The following PCDHA4 variants were observed in gnomAD, a reference collection of about 807,000 sequenced individuals.
PCDHA4 encodes protocadherin alpha 4, also known as protocadherin alpha-4.
Under a neutral mutation model 61.4 loss-of-function variants are expected in PCDHA4, and 49 were observed. The ratio of observed to expected loss-of-function variants is 0.80; its 90% CI spans 0.63 to 1.01. PCDHA4 has a LOEUF of 1.01. Among genes scored for constraint, PCDHA4 ranks in the 50% least tolerant of loss-of-function variants. The pLI is 0.00. For synonymous variants in PCDHA4, 590 were observed against 550.3 expected (o/e 1.07, Z -1.01); for missense variants, 1,254 against 1,235.8 (o/e 1.01, Z -0.22).
At chr5:140,999,078 T>G (rs1554256609) in intron 3 of PCDHA4, among the ~76,000 whole-genome samples, 2 of 152,208 alleles carry the variant, frequency 1.3e-5, no homozygotes, top group Non-Finnish European at 2.9e-5. Context: ...CTTCACTTCC[T>G]CCTTCAGAGG....
chr5:140,829,456 C>A, intron 1 of PCDHA4: 1 of 1,613,884 alleles, frequency 6.2e-7, no homozygotes, highest in Non-Finnish European at 8.5e-7. Flanking sequence ...CTCCGGCGTT[C>A]GCGCAGCCCG....
At chr5:140,830,730 G>A (rs1403638856) in intron 1 of PCDHA4, 1 of 211,824 alleles carries the variant, frequency 4.7e-6, no homozygotes, top group African/African-American at 2.3e-5. Context: ...AAATATTCTT[G>A]GATATGTCGT....
chr5:140,808,294 C>T lies in PCDHA4; in HGVS notation c.1107C>T (p.Ile369=), dbSNP rs942791264. The change falls in exon 1 of 4, where the codon ATC becomes ATT. Residue 369 remains isoleucine, a synonymous_variant. Transcript: ENST00000530339. ...IREDAPLGTV[I]ALISVSDKDM... ...AGGACGCTCCACTGGGTACAGTCAT[C>T]GCCCTGATCAGCGTGTCCGACAAAG... 4 of 1,614,156 alleles carry T rather than the reference C, an allele frequency of 2.5e-6. No homozygotes were observed. Among genetic ancestry groups the T allele is most frequent in the African/African-American group, 1.3e-5 (1 of 74,964 alleles).
At chr5:140,975,594 A>G (rs914837592) in intron 1 of PCDHA4, among the ~76,000 whole-genome samples, 3 of 152,236 alleles carry the variant, frequency 2.0e-5, no homozygotes, top group Admixed American at 2.0e-4. Flanking sequence ...CCAGAGGGCA[A>G]TTTGTTGATG....
At chr5:140,832,540 C>T (rs1195666281) in intron 1 of PCDHA4, among the ~76,000 whole-genome samples, 1 of 152,172 alleles carries the variant, frequency 6.6e-6, no homozygotes, top group African/African-American at 2.4e-5. Context: ...ATTTGTGTAG[C>T]TAATGATATC....
intron 1 of PCDHA4, chr5:140,877,000 G>C: frequency 6.2e-7 from 1 of 1,612,598 alleles, no homozygotes; most frequent in Non-Finnish European, 8.5e-7. Flanking sequence ...CTACGTGTCG[G>C]TGCACGCGGA....
At chr5:140,904,818 G>A (rs1186696681) in intron 1 of PCDHA4, among the ~76,000 whole-genome samples, 1 of 152,070 alleles carries the variant, frequency 6.6e-6, no homozygotes, top group Non-Finnish European at 1.5e-5. Flanking sequence ...GTGATGTTGA[G>A]CATTTTTTTA....
chr5:140,914,095 C>T (rs1368870998), intron 1 of PCDHA4, among the ~76,000 whole-genome samples: 1 of 152,082 alleles, frequency 6.6e-6, no homozygotes, highest in Admixed American at 6.5e-5. Context: ...TCAATTTGTT[C>T]TATAGTGCAG....
chr5:140,944,182 G>GTTTGT (rs750577669), intron 1 of PCDHA4, among the ~76,000 whole-genome samples: 5 of 152,052 alleles, frequency 3.3e-5, no homozygotes, highest in East Asian at 1.9e-4. Flanking sequence ...TTTTTTGTTG[G>GTTTGT]TTTGTTTTGT....
Position 140,807,997 on chromosome 5 carries a change from C to G in PCDHA4, c.810C>G (p.Asp270Glu). Reference protein sequence around the residue: ...LVIKLNASDLDEGLNGDIVYS... With the variant: ...LVIKLNASDLEEGLNGDIVYS... Reference sequence around the variant, plus strand: ...TTAAACTTAACGCCTCAGATTTAGACGAAGGATTGAATGGGGACATTGTTT... The same window carrying G: ...TTAAACTTAACGCCTCAGATTTAGAGGAAGGATTGAATGGGGACATTGTTT... The change falls in exon 1 of 4, where the codon GAC becomes GAG. Residue 270 changes from aspartate to glutamate, a missense_variant. By Grantham distance (45) the Asp-to-Glu change is conservative. Transcript: ENST00000530339. 1 of 1,613,450 alleles carries G rather than the reference C, an allele frequency of 6.2e-7. No individual in the cohort carries two copies. The highest frequency in any genetic ancestry group is 8.5e-7 in the Non-Finnish European group (1 of 1,179,448).
intron 1 of PCDHA4, chr5:140,851,311 T>C (rs1484638965): frequency 1.0e-6 from 1 of 1,000,128 alleles, no homozygotes; most frequent in Non-Finnish European, 1.2e-6. Context: ...TAGCAATTGT[T>C]ACCTTGTTAA....
In PCDHA4 at chr5:140,888,751, C is replaced by T. The variant is rs947840835; in HGVS notation, c.2385+79179C>T. On this transcript the variant is annotated intron_variant, in intron 1 of 3. Transcript: ENST00000530339. ...TTGTGAGCTCTAGGAATTATTCTAC[C>T]CACTTTTTTTTTTAATTTTGAAGGG... Among the ~76,000 whole-genome samples, 4 of 151,800 alleles carry T rather than the reference C, an allele frequency of 2.6e-5. No individual in the cohort carries two copies. The South Asian group carries it at 8.3e-4, about 32-fold the overall frequency.
At chr5:140,967,150 C>G (rs1400431511) in intron 1 of PCDHA4, 1 of 1,610,886 alleles carries the variant, frequency 6.2e-7, no homozygotes, top group African/African-American at 1.3e-5. Context: ...CGCACAACCC[C>G]GTGGCGGTGA....
intron 3 of PCDHA4, among the ~76,000 whole-genome samples, chr5:140,989,470 C>T (rs1365588787): frequency 6.6e-6 from 1 of 152,148 alleles, no homozygotes; most frequent in African/African-American, 2.4e-5. Context: ...TGGAACTCCT[C>T]CTGGGAGGTG....
intron 1 of PCDHA4, among the ~76,000 whole-genome samples, chr5:140,944,059 T>C (rs190208662): frequency 6.6e-6 from 1 of 152,296 alleles, no homozygotes; most frequent in East Asian, 1.9e-4. Flanking sequence ...TACAAAAAGG[T>C]TTCTTGTTAA....
At chr5:140,931,057 T>C (rs1554208231) in intron 1 of PCDHA4, among the ~76,000 whole-genome samples, 1 of 152,196 alleles carries the variant, frequency 6.6e-6, no homozygotes, top group Admixed American at 6.5e-5. Context: ...CAATGCTGTG[T>C]CTGGGACTAA....
At chr5:140,932,039 CAT>C (rs2087970987) in intron 1 of PCDHA4, among the ~76,000 whole-genome samples, 1 of 151,816 alleles carries the variant, frequency 6.6e-6, no homozygotes, top group South Asian at 2.1e-4. Context: ...TATATATTAA[CAT>C]AGCCTGTAAT....
chr5:141,005,475 G>A (rs1011400158), intron 3 of PCDHA4, among the ~76,000 whole-genome samples: 8 of 151,670 alleles, frequency 5.3e-5, no homozygotes, highest in African/African-American at 1.9e-4. Flanking sequence ...AGGCCGAGAC[G>A]GGCGGATCAT....
At chr5:140,897,881 C>T (rs1417702752) in intron 1 of PCDHA4, among the ~76,000 whole-genome samples, 1 of 152,194 alleles carries the variant, frequency 6.6e-6, no homozygotes. Context: ...GATTGCCATT[C>T]TAACTGGTGT....
Sources: gnomAD v4.1 joint callset for allele counts (sites outside exome capture counted in the v4.1 genomes callset) on GRCh38, gnomAD v4.1.1 for gene constraint, MANE v1.5 for transcripts, NCBI Gene and HGNC (gene_info 2026-07-23, HGNC 2026-07-21) for gene names.